Variants in HMCN1 observed in about 807,000 individuals in gnomAD.
HMCN1 encodes hemicentin-1.
A neutral mutation model predicts 625.9 loss-of-function variants in HMCN1; 321 were observed. The observed-to-expected ratio is 0.51, with a 90% confidence interval of 0.47 to 0.56. The LOEUF (loss-of-function observed/expected upper bound fraction) is 0.56, where lower values mean the gene tolerates loss of function less well. HMCN1 is among the 20% of genes least tolerant of loss of function. HMCN1 has a pLI of 0.00. For missense variants in HMCN1, 6,588 were observed against 6,887.3 expected, an observed-to-expected ratio of 0.96 and a Z score of 1.54; for synonymous variants, 2,425 against 2,417.6, an observed-to-expected ratio of 1.00 and a Z score of -0.09.
intron 49 of HMCN1, 92 bp downstream of exon 49, chr1:186,065,521 CGTA>C: frequency 1.1e-6 from 1 of 906,522 alleles, no homozygotes; most frequent in Non-Finnish European, 1.6e-6. Flanking sequence ...ATGTTTCCGT[CGTA>C]GAATTTCATC....
rs939197889 is a variant in HMCN1, at chr1:186,129,991, C to T, written c.12930C>T (p.His4310=). The T allele has an allele frequency of 5.8e-5, 93 of 1,612,956 alleles. No homozygotes were observed. Among genetic ancestry groups the T allele is most frequent in the Non-Finnish European group, 7.9e-5 (93 of 1,179,314 alleles). Residue 4310 remains histidine (H), a synonymous_variant, in exon 84 of 107, where the codon CAC becomes CAT. Coordinates refer to ENST00000271588, the MANE Select transcript of HMCN1 (RefSeq NM_031935.3). The stretch of plus-strand genomic sequence containing the variant: ...CCCACTTTGACAGTGTGAATGGACA[C>T]AGTGAACTTGTTATTGAAAGAGTGT... ...IPAHFDSVNG[H]SELVIERVSK...
At chr1:185,962,316 T>G (rs1650080386) in intron 11 of HMCN1, among the ~76,000 whole-genome samples, 1 of 152,158 alleles carries the variant, frequency 6.6e-6, no homozygotes, top group Non-Finnish European at 1.5e-5. Flanking sequence ...CGGGATCAAA[T>G]TCATTTAACT....
intron 7 of HMCN1, among the ~76,000 whole-genome samples, chr1:185,922,969 C>T (rs962216096): frequency 3.9e-5 from 6 of 152,184 alleles, no homozygotes; most frequent in Middle Eastern, 3.4e-3. Flanking sequence ...ATTTTTAAAC[C>T]TTGTCCTCCT....
intron 100 of HMCN1, among the ~76,000 whole-genome samples, chr1:186,170,557 T>C (rs1169705029): frequency 6.6e-6 from 1 of 152,080 alleles, no homozygotes; most frequent in African/African-American, 2.4e-5. Context: ...CAAATGCCCA[T>C]CAGTGATAGA....
At chr1:185,845,874 A>T (rs1661780443) in intron 1 of HMCN1, 152 bp from the exon 2 acceptor site, 2 of 642,066 alleles carry the variant, frequency 3.1e-6, no homozygotes, top group Non-Finnish European at 2.8e-6. Context: ...ATTCTCTGGT[A>T]GCTACAAATT....
rs1424933439 is a variant in HMCN1, at chr1:186,093,673, A to G, written c.10196+4A>G. The G allele has an allele frequency of 1.2e-6, 2 of 1,613,022 alleles. No homozygotes were observed. The highest frequency in any genetic ancestry group is 2.7e-5 in the African/African-American group (2 of 74,866). ...TGGCAGCAGGACAAGTTATCAGGTC[A>G]GCTTTTATTGTGTCTGATTTCCTAA... On this transcript the variant is annotated splice_donor_region_variant and intron_variant, in intron 66 of 106. Coordinates refer to ENST00000271588, the MANE Select transcript of HMCN1 (RefSeq NM_031935.3).
At chr1:186,068,138 T>C in intron 50 of HMCN1, 131 bp downstream of exon 50, 1 of 880,548 alleles carries the variant, frequency 1.1e-6, no homozygotes, top group Non-Finnish European at 1.9e-6. Flanking sequence ...GCAGCCTGGT[T>C]CCTAATAGGC....
At chr1:185,922,593 C>A in intron 7 of HMCN1, 94 bp downstream of exon 7, 1 of 1,220,196 alleles carries the variant, frequency 8.2e-7, no homozygotes, top group Non-Finnish European at 1.2e-6. Context: ...TTGTAGTATT[C>A]AATAAAATTG....
At chr1:185,796,626 C>CTG (rs150495815) in intron 1 of HMCN1, among the ~76,000 whole-genome samples, 35,196 of 148,670 alleles carry the variant, frequency 0.24, 4,265 homozygotes, top group Non-Finnish European at 0.3. Context: ...GAGTTTGTGT[C>CTG]TGTGTGTGTG....
intron 49 of HMCN1, among the ~76,000 whole-genome samples, chr1:186,065,769 A>AG (rs757600195): frequency 1.3e-5 from 2 of 151,956 alleles, no homozygotes; most frequent in Non-Finnish European, 2.9e-5. Flanking sequence ...TTTTTTTGTG[A>AG]GACTTAGCCA....
chr1:186,190,688 A>C lies in HMCN1; in HGVS notation c.*810A>C, dbSNP rs1386627778. 5.1e-6 allele frequency: 1 copy of C among 194,526 alleles called. No individual in the cohort carries two copies. Among genetic ancestry groups the C allele is most frequent in the Non-Finnish European group, 1.1e-5 (1 of 93,222 alleles). The allele number at this position is 194,526 out of a possible 1,614,324, so 12.0% of individuals were successfully genotyped here. A position where few individuals can be genotyped will look rare whatever the true frequency, so the allele number is the denominator to read the frequency against. The stretch of plus-strand genomic sequence containing the variant: ...CTGTCAATGAAAGCAATTTTTAAAG[A>C]TACCAGTGGGACAGATTTGGTTTTT... On this transcript the variant is annotated 3_prime_UTR_variant, in exon 107 of 107. Transcript: ENST00000271588.
intron 1 of HMCN1, among the ~76,000 whole-genome samples, chr1:185,735,939 T>C (rs1653533605): frequency 6.6e-6 from 1 of 152,182 alleles, no homozygotes; most frequent in African/African-American, 2.4e-5. Context: ...GTTGAAGAAA[T>C]GAAGCAGTGA....
chr1:185,803,275 G>C (rs1191837542), intron 1 of HMCN1, among the ~76,000 whole-genome samples: 1 of 134,540 alleles, frequency 7.4e-6, no homozygotes. Flanking sequence ...AGATAAAAAA[G>C]GGAAAGATAA....
At position 185,909,407 on chromosome 1, in the gene HMCN1, A is replaced by T; in HGVS notation, c.692A>T (p.Gln231Leu). 1 of 1,613,444 alleles carries T rather than the reference A, an allele frequency of 6.2e-7. No homozygotes were observed. Among genetic ancestry groups the T allele is most frequent in the Non-Finnish European group, 8.5e-7 (1 of 1,179,452 alleles). ...VHLLSTDHLEQAVNTWRIPFD... is the reference protein window; with the variant it reads ...VHLLSTDHLELAVNTWRIPFD... ...CTTTTATCCACAGATCATTTGGAAC[A>T]GGCTGTAAATACTTGGAGAATTCCT... Residue 231 changes from glutamine (Q) to leucine (L), a missense_variant, in exon 5 of 107, where the codon CAG (glutamine) becomes CTG (leucine). Physicochemically the swap from Gln to Leu is moderately radical, Grantham distance 113. Coordinates refer to ENST00000271588, the MANE Select transcript of HMCN1 (RefSeq NM_031935.3).
At chr1:185,931,313 T>C (rs142704347) in intron 10 of HMCN1, among the ~76,000 whole-genome samples, 1 of 152,278 alleles carries the variant, frequency 6.6e-6, no homozygotes, top group Non-Finnish European at 1.5e-5. Flanking sequence ...GGCTGCTCTT[T>C]GTACTCCTAG....
intron 11 of HMCN1, among the ~76,000 whole-genome samples, chr1:185,954,996 A>T (rs1343292505): frequency 6.6e-6 from 1 of 152,168 alleles, no homozygotes; most frequent in African/African-American, 2.4e-5. Context: ...CCCAGGTAAT[A>T]GTATTTTTAG....
At chr1:186,146,163 A>C (rs1224182147) in intron 93 of HMCN1, among the ~76,000 whole-genome samples, 1 of 152,074 alleles carries the variant, frequency 6.6e-6, no homozygotes, top group Non-Finnish European at 1.5e-5. Flanking sequence ...GACAGGAAAA[A>C]GGGTGAGGCA....
intron 1 of HMCN1, among the ~76,000 whole-genome samples, chr1:185,800,035 G>A (rs1200406918): frequency 1.3e-5 from 2 of 152,152 alleles, no homozygotes; most frequent in East Asian, 3.9e-4. Context: ...AGGCTACTGG[G>A]GCAATGTTCT....
rs1288527291 is a variant in HMCN1, at chr1:186,137,675, C to T, written c.13753+7C>T. 1.2e-5 allele frequency: 20 copies of T among 1,613,852 alleles called. No homozygotes were observed. Among genetic ancestry groups the T allele is most frequent in the Non-Finnish European group, 1.7e-5 (20 of 1,179,956 alleles). ...CAAAATAAGCCTTGTCCAGGTACAC[C>T]TCCTTATTTAACTGATAGGCATGTG... On this transcript the variant is annotated splice_region_variant and intron_variant, in intron 88 of 106. Transcript: ENST00000271588.
Sources: gnomAD v4.1 joint callset for allele counts (sites outside exome capture counted in the v4.1 genomes callset) on GRCh38, gnomAD v4.1.1 for gene constraint, MANE v1.5 for transcripts, NCBI Gene and HGNC (gene_info 2026-07-23, HGNC 2026-07-21) for gene names.